LSM1: variants seen among roughly 807,000 people sequenced by gnomAD.
LSM1 encodes the protein U6 snRNA-associated Sm-like protein LSm1.
In LSM1, 13 loss-of-function variants were observed where a neutral mutation model predicts 18.0. The ratio of observed to expected loss-of-function variants is 0.72; its 90% CI spans 0.47 to 1.15. LSM1 has a LOEUF of 1.15. Ranked by LOEUF, LSM1 falls within the 50% of genes most tolerant of loss-of-function variation. The pLI is 0.00. For synonymous variants in LSM1, 46 were observed against 56.0 expected (o/e 0.82, Z 0.80); for missense variants, 152 against 157.7 (o/e 0.96, Z 0.19).
intron 1 of LSM1, among the ~76,000 whole-genome samples, chr8:38,174,283 A>G (rs1325198457): frequency 6.6e-6 from 1 of 152,112 alleles, no homozygotes; most frequent in Admixed American, 6.6e-5. Flanking sequence ...GGTTGGGGAG[A>G]CAGAGGATAT....
chr8:38,171,079 G>C (rs1803020173), intron 2 of LSM1: 7 of 387,000 alleles, frequency 1.8e-5, no homozygotes, highest in South Asian at 1.3e-4. Flanking sequence ...AAAGACAGAG[G>C]CCTCTTATTC....
chr8:38,175,025 C>CAAAAAAAAAAA (rs1203614273), intron 1 of LSM1, among the ~76,000 whole-genome samples: 2 of 57,062 alleles, frequency 3.5e-5, no homozygotes, highest in African/African-American at 6.5e-5. Context: ...GACTCTGTCT[C>CAAAAAAAAAAA]AAAAAAAAAA....
In LSM1 at chr8:38,176,384, C is replaced by T. The variant is rs1379780078; in HGVS notation, c.-64G>A. 7.4e-7 allele frequency: 1 copy of T among 1,350,006 alleles called. No individual in the cohort carries two copies. Among genetic ancestry groups the T allele is most frequent in the South Asian group, 1.2e-5 (1 of 82,128 alleles). The allele number at this position is 1,350,006 out of a possible 1,614,324, so 83.6% of individuals were successfully genotyped here. A position where few individuals can be genotyped will look rare whatever the true frequency, so the allele number is the denominator to read the frequency against. On this transcript the variant is annotated 5_prime_UTR_variant, in exon 1 of 4. Coordinates refer to ENST00000311351, the MANE Select transcript of LSM1 (RefSeq NM_014462.3). The stretch of plus-strand genomic sequence containing the variant: ...GGCCAGCGCGTCCAAAACCTCTTCC[C>T]TCCTACCGCAGTCGCCGCCTCGGTG...
At chr8:38,172,549 T>C (rs1803050524) in intron 1 of LSM1, among the ~76,000 whole-genome samples, 1 of 152,138 alleles carries the variant, frequency 6.6e-6, no homozygotes, top group South Asian at 2.1e-4. Flanking sequence ...CTCAAACTCC[T>C]GACTTCAGAT....
In LSM1 at chr8:38,163,342, T is replaced by C. The variant is rs940375298; in HGVS notation, c.*328A>G. On this transcript the variant is annotated 3_prime_UTR_variant, in exon 4 of 4. Transcript: ENST00000311351. Reference sequence around the variant, plus strand: ...AAACTTGGAAATAACATGACACTTTTGAGATTCATATTTTATTTACAAGTA... The same window carrying C: ...AAACTTGGAAATAACATGACACTTTCGAGATTCATATTTTATTTACAAGTA... 11 of 204,392 alleles carry C rather than the reference T, an allele frequency of 5.4e-5. No homozygotes were observed. Among genetic ancestry groups the C allele is most frequent in the Non-Finnish European group, 1.1e-4 (11 of 99,926 alleles). 12.7% of individuals were successfully genotyped at this position (204,392 alleles called of 1,614,324 possible). A position where few individuals can be genotyped will look rare whatever the true frequency, so the allele number is the denominator to read the frequency against.
chr8:38,163,715 G>A lies in LSM1; in HGVS notation c.357C>T (p.Asp119=), dbSNP rs779139978. The A allele has an allele frequency of 1.2e-6, 2 of 1,614,128 alleles. No homozygotes were observed. Residue 119 remains aspartate (D), a synonymous_variant, in exon 4 of 4, where the codon GAC becomes GAT. Transcript: ENST00000311351. ...CTGCTCGAGGAATGGAAAGACCTCGGTCCTTCAGGGCCTGCACTTTCAACT... is the reference window on the plus strand; with the variant it reads ...CTGCTCGAGGAATGGAAAGACCTCGATCCTTCAGGGCCTGCACTTTCAACT... The part of the protein sequence containing the change: ...AEKLKVQALK[D]RGLSIPRADT...
At chr8:38,172,368 CTGCAG>C (rs1005156136) in intron 1 of LSM1, among the ~76,000 whole-genome samples, 19 of 144,612 alleles carry the variant, frequency 1.3e-4, no homozygotes, top group African/African-American at 1.8e-4. Context: ...GTCACCCAGG[CTGCAG>C]TGCAGTGGCA....
intron 1 of LSM1, 102 bp from the exon 2 acceptor site, chr8:38,172,135 G>C: frequency 1.3e-6 from 1 of 791,616 alleles, no homozygotes. Context: ...CTCGGCCAAT[G>C]CATTTAATGT....
chr8:38,165,195 C>CA (rs1323462957), intron 3 of LSM1, among the ~76,000 whole-genome samples: 1 of 151,604 alleles, frequency 6.6e-6, no homozygotes, highest in Non-Finnish European at 1.5e-5. Flanking sequence ...ACTAAAAATA[C>CA]AAAAAAAATT....
chr8:38,168,678 T>G (rs1802978108), intron 3 of LSM1, among the ~76,000 whole-genome samples: 1 of 151,394 alleles, frequency 6.6e-6, no homozygotes, highest in African/African-American at 2.4e-5. Context: ...AAGTACAAAC[T>G]ACAAAAATAT....
chr8:38,171,994 A>AT lies in LSM1; in HGVS notation c.85dup (p.Ile29AsnfsTer8). The AT allele has an allele frequency of 1.9e-6, 3 of 1,612,568 alleles. No homozygotes were observed. The highest frequency in any genetic ancestry group is 2.5e-6 in the Non-Finnish European group (3 of 1,179,528). On this transcript the variant is annotated frameshift_variant, in exon 2 of 4. Coordinates refer to ENST00000311351, the MANE Select transcript of LSM1 (RefSeq NM_014462.3). LOFTEE classifies it high-confidence loss of function. ...TTGATCAATGCTTCTTAAAAAGCCT[A>AT]TAAGTGTCCTTCCATCTCGAAGCAG...
chr8:38,176,151 C>G (rs903919876), intron 1 of LSM1, 124 bp downstream of exon 1: 15 of 739,126 alleles, frequency 2.0e-5, no homozygotes, highest in African/African-American at 3.5e-5. Context: ...GCGGAACGCC[C>G]GGATTGAGCT....
chr8:38,173,428 C>T (rs776645952), intron 1 of LSM1, among the ~76,000 whole-genome samples: 7 of 152,000 alleles, frequency 4.6e-5, no homozygotes, highest in South Asian at 2.1e-4. Flanking sequence ...AAGGGCTATA[C>T]ATCCATGTTT....
In LSM1 at chr8:38,167,275, A is replaced by G. The variant is rs547355690; in HGVS notation, c.231+2527T>C. ...AAACACACACATCTACTTAGATGTAACTTTGTGCCAATGTAACCAGTATAA... is the reference window on the plus strand; with the variant it reads ...AAACACACACATCTACTTAGATGTAGCTTTGTGCCAATGTAACCAGTATAA... On this transcript the variant is annotated intron_variant, in intron 3 of 3. Transcript: ENST00000311351. Among the ~76,000 whole-genome samples the G allele has an allele frequency of 2.6e-5, 4 of 152,372 alleles. No homozygotes were observed. The East Asian group carries it at 7.7e-4, about 29-fold the overall frequency.
intron 1 of LSM1, among the ~76,000 whole-genome samples, chr8:38,175,082 ATT>A (rs757848283): frequency 3.4e-4 from 42 of 125,186 alleles, no homozygotes; most frequent in African/African-American, 1.1e-3. Context: ...CCATAAAATG[ATT>A]TTTTTTTTTT....
chr8:38,170,388 A>G (rs1803006094), intron 2 of LSM1, among the ~76,000 whole-genome samples: 1 of 152,190 alleles, frequency 6.6e-6, no homozygotes, highest in African/African-American at 2.4e-5. Flanking sequence ...ATCTTCTCCT[A>G]TTTCATTGAG....
In LSM1 at chr8:38,174,734, A is replaced by C. The variant is rs1290546262; in HGVS notation, c.46+1541T>G. On this transcript the variant is annotated intron_variant, in intron 1 of 3. Coordinates refer to ENST00000311351, the MANE Select transcript of LSM1 (RefSeq NM_014462.3). Reference sequence around the variant, plus strand: ...TAAGTAATTTGTGTTTAAAAAAATGATCTGTCGGCCGGAGGCGGTGGCTCA... The same window carrying C: ...TAAGTAATTTGTGTTTAAAAAAATGCTCTGTCGGCCGGAGGCGGTGGCTCA... 2.6e-5 allele frequency among the ~76,000 whole-genome samples: 4 copies of C among 152,202 alleles called. No homozygotes were observed. The East Asian group carries it at 7.8e-4, about 30-fold the overall frequency.
At chr8:38,170,006 T>C in intron 2 of LSM1, 89 bp from the exon 3 acceptor site, 2 of 639,666 alleles carry the variant, frequency 3.1e-6, no homozygotes, top group South Asian at 2.1e-5. Flanking sequence ...TTTGAAAAGA[T>C]TTAGGTAAAC....
At chr8:38,172,714 T>C (rs1301834175) in intron 1 of LSM1, among the ~76,000 whole-genome samples, 3 of 152,246 alleles carry the variant, frequency 2.0e-5, no homozygotes, top group Non-Finnish European at 4.4e-5. Context: ...ACTATTATCT[T>C]ATTTGTAGAA....
Sources: gnomAD v4.1 joint callset for allele counts (sites outside exome capture counted in the v4.1 genomes callset) on GRCh38, gnomAD v4.1.1 for gene constraint, MANE v1.5 for transcripts, NCBI Gene and HGNC (gene_info 2026-07-23, HGNC 2026-07-21) for gene names.